Variants in ATP2C1 observed in about 807,000 individuals in gnomAD.
The protein encoded by ATP2C1 is calcium-transporting ATPase type 2C member 1.
In ATP2C1, 31 loss-of-function variants were observed where a neutral mutation model predicts 120.5. That is an observed-to-expected ratio of 0.26 (90% CI 0.19 to 0.35). The LOEUF is 0.35. Ranked by LOEUF, ATP2C1 falls within the 10% of genes least tolerant of loss-of-function variation. The pLI, the probability that ATP2C1 is intolerant of heterozygous loss-of-function variation, is 1.00. For synonymous variants in ATP2C1, 351 were observed against 358.7 expected (o/e 0.98, Z 0.24); for missense variants, 731 against 1,107.5 (o/e 0.66, Z 4.83).
chr3:131,009,676 TACTC>T (rs1295668152), intron 26 of ATP2C1, among the ~76,000 whole-genome samples: 1 of 152,216 alleles, frequency 6.6e-6, no homozygotes, highest in Non-Finnish European at 1.5e-5. Flanking sequence ...AATTTGGTAT[TACTC>T]ACACCTCTGG....
intron 11 of ATP2C1, 92 bp from the exon 12 acceptor site, chr3:130,959,183 G>C: frequency 1.1e-6 from 1 of 902,878 alleles, no homozygotes; most frequent in South Asian, 1.4e-5. Flanking sequence ...TCCCTTTTTT[G>C]TCAAGGGACG....
rs536030411 is a variant in ATP2C1, at chr3:130,911,428, G to T, written c.6+16653G>T. Among the ~76,000 whole-genome samples the T allele has an allele frequency of 4.9e-4, 74 of 150,478 alleles. 1 individual carries two copies. The East Asian group carries it at 0.012, about 24-fold the overall frequency. On this transcript the variant is annotated intron_variant, in intron 2 of 27. Transcript: ENST00000510168. ...CTGGATTCATTGATTTTTTTGAAGGGTTTTTTGTGTCTCTATTTCCTTCAG... is the reference window on the plus strand; with the variant it reads ...CTGGATTCATTGATTTTTTTGAAGGTTTTTTTGTGTCTCTATTTCCTTCAG...
At chr3:130,856,195 C>T (rs747806113) in intron 1 of ATP2C1, 10 of 152,134 alleles carry the variant, frequency 6.6e-5, no homozygotes, top group Non-Finnish European at 1.3e-4. Flanking sequence ...CTAGTTGGAA[C>T]GGGATCACTG....
intron 2 of ATP2C1, among the ~76,000 whole-genome samples, chr3:130,907,554 C>G (rs568720575): frequency 1.3e-5 from 2 of 151,974 alleles, no homozygotes; most frequent in South Asian, 4.2e-4. Flanking sequence ...GTCTTGGCAC[C>G]CTTGTCAAAA....
chr3:130,894,739 G>A lies in ATP2C1; in HGVS notation c.-31G>A, dbSNP rs774586802. The A allele has an allele frequency of 6.2e-7, 1 of 1,614,204 alleles. No individual in the cohort carries two copies. The highest frequency in any genetic ancestry group is 8.5e-7 in the Non-Finnish European group (1 of 1,180,032). On this transcript the variant is annotated 5_prime_UTR_variant, in exon 2 of 28. It removes the in-frame stop codon of an upstream open reading frame in the 5' UTR. Coordinates refer to ENST00000510168, the MANE Select transcript of ATP2C1 (RefSeq NM_001378687.1). This position sits in a 1 kb window ranked among gnomAD's most constrained non-coding sequence, Gnocchi z 4.5. ...CGTGGCTGACACTAAAGACTTTGTA[G>A]CCATCAACCCGAGTGCAGTTTCGAT...
At chr3:130,990,725 C>T (rs1179723811) in intron 20 of ATP2C1, among the ~76,000 whole-genome samples, 1 of 152,068 alleles carries the variant, frequency 6.6e-6, no homozygotes, top group Non-Finnish European at 1.5e-5. Context: ...GGTATTGGCC[C>T]AGAGTGTGGG....
At chr3:130,867,658 C>T (rs550727889) in intron 1 of ATP2C1, among the ~76,000 whole-genome samples, 33 of 151,680 alleles carry the variant, frequency 2.2e-4, no homozygotes, top group South Asian at 1.7e-3. Flanking sequence ...ACCTCCCAGC[C>T]GCCTGCCTTG....
At chr3:130,999,411 A>G in intron 26 of ATP2C1, 107 bp from the exon 27 acceptor site, 1 of 1,088,712 alleles carries the variant, frequency 9.2e-7, no homozygotes, top group Non-Finnish European at 1.4e-6. Flanking sequence ...ACATTGCACA[A>G]TTCAGTGATA....
chr3:130,998,491 T>TTTGTAGCCACAGA (rs1354606109), intron 26 of ATP2C1, 102 bp downstream of exon 26: 14 of 904,228 alleles, frequency 1.5e-5, no homozygotes, highest in Non-Finnish European at 2.5e-5. Flanking sequence ...TTTGCTTAAT[T>TTTGTAGCCACAGA]TTGTAGCCAC....
chr3:130,931,529 A>G lies in ATP2C1; in HGVS notation c.118-493A>G, dbSNP rs78970160. Among the ~76,000 whole-genome samples the G allele has an allele frequency of 5.6e-3, 854 of 152,192 alleles. 13 individuals carry two copies. The highest frequency in any genetic ancestry group is 0.019 in the African/African-American group (802 of 41,558). Reference sequence around the variant, plus strand: ...TGGCCCATTGAACGTTCTTTGGGAGAAACTAATTTTAGAAAATGGCGAAAC... The same window carrying G: ...TGGCCCATTGAACGTTCTTTGGGAGGAACTAATTTTAGAAAATGGCGAAAC... On this transcript the variant is annotated intron_variant, in intron 3 of 27. Transcript: ENST00000510168.
intron 2 of ATP2C1, among the ~76,000 whole-genome samples, chr3:130,908,180 A>G (rs939143291): frequency 6.6e-5 from 10 of 152,266 alleles, no homozygotes; most frequent in African/African-American, 2.4e-4. Flanking sequence ...ATCAGAATAA[A>G]AAATATGAAC....
At chr3:130,898,818 G>T (rs2069876607) in intron 2 of ATP2C1, among the ~76,000 whole-genome samples, 1 of 152,180 alleles carries the variant, frequency 6.6e-6, no homozygotes, top group Admixed American at 6.5e-5. Context: ...GCCATGATCT[G>T]TTTTGCAAGG....
intron 16 of ATP2C1, among the ~76,000 whole-genome samples, 188 bp from the exon 17 acceptor site, chr3:130,969,104 G>A (rs2061181911): frequency 6.6e-6 from 1 of 152,144 alleles, no homozygotes. Flanking sequence ...ACATACCTGG[G>A]CTTTCATGTT....
chr3:130,966,425 T>A (rs78337141), intron 14 of ATP2C1, among the ~76,000 whole-genome samples: 4,112 of 152,202 alleles, frequency 0.027, 191 homozygotes, highest in African/African-American at 0.093. Flanking sequence ...AAACATTTTT[T>A]ATTTATTTTT....
intron 1 of ATP2C1, among the ~76,000 whole-genome samples, chr3:130,881,411 C>T (rs1203598083): frequency 3.3e-5 from 5 of 151,472 alleles, no homozygotes; most frequent in Non-Finnish European, 5.9e-5. Context: ...CAGGCTGGAG[C>T]GCAGTGGTGT....
chr3:130,850,788 G>T, exon 1 of ATP2C1: 1 of 1,059,716 alleles, frequency 9.4e-7, no homozygotes, highest in South Asian at 1.9e-5. Context: ...CTGACAAGGA[G>T]GTGCAGACAA....
At chr3:130,989,437 T>C (rs1577010655) in intron 20 of ATP2C1, among the ~76,000 whole-genome samples, 1 of 148,984 alleles carries the variant, frequency 6.7e-6, no homozygotes, top group Admixed American at 6.7e-5. Flanking sequence ...TGGTGGTGCA[T>C]GCCTGTAATC....
intron 20 of ATP2C1, among the ~76,000 whole-genome samples, chr3:130,981,603 A>G (rs2061767547): frequency 6.6e-6 from 1 of 152,074 alleles, no homozygotes. Flanking sequence ...TCATACACTT[A>G]ATGTATATTT....
At chr3:130,986,325 C>T (rs568463322) in intron 20 of ATP2C1, among the ~76,000 whole-genome samples, 2 of 151,908 alleles carry the variant, frequency 1.3e-5, no homozygotes, top group African/African-American at 4.8e-5. Context: ...GTTACTTAAA[C>T]ATTTTACCAT....
Sources: gnomAD v4.1 joint callset for allele counts (sites outside exome capture counted in the v4.1 genomes callset) on GRCh38, gnomAD v4.1.1 for gene constraint, Gnocchi (gnomAD v3.1) non-coding constraint, MANE v1.5 for transcripts, NCBI Gene and HGNC (gene_info 2026-07-23, HGNC 2026-07-21) for gene names.